Variants in APOC2 observed in about 807,000 individuals in gnomAD.
APOC2 encodes the protein apolipoprotein C2.
In APOC2, 6 loss-of-function variants were observed where a neutral mutation model predicts 10.2. That is an observed-to-expected ratio of 0.59 (90% CI 0.32 to 1.16). APOC2 has a LOEUF of 1.16. Among genes scored for constraint, APOC2 ranks in the 50% most tolerant of loss-of-function variants. The pLI is 0.05. For synonymous variants in APOC2, 56 were observed against 48.5 expected (o/e 1.15, Z -0.64); for missense variants, 110 against 117.6 (o/e 0.94, Z 0.30).
Position 44,948,453 on chromosome 19 carries a change from C to T in APOC2, c.-13-13C>T. ...CAGTCAGCCTGCCACATGACACCCC[C>T]TCAATGTTCCAGGTCTCTGGACACT... is the stretch of plus-strand genomic sequence containing the variant. On this transcript the variant is annotated splice_polypyrimidine_tract_variant and intron_variant, in intron 1 of 3. Transcript: ENST00000252490. 6.2e-7 allele frequency: 1 copy of T among 1,612,706 alleles called. No individual in the cohort carries two copies. The highest frequency in any genetic ancestry group is 8.5e-7 in the Non-Finnish European group (1 of 1,178,788).
chr19:44,948,488 C>T lies in APOC2; in HGVS notation c.10C>T (p.Arg4Ter), dbSNP rs202190413. The change falls in exon 2 of 4, where the codon CGA becomes TGA. Residue 4 changes from arginine (R) to a stop codon, truncating the protein, a stop_gained. Transcript: ENST00000252490. LOFTEE classifies it high-confidence loss of function. MGT[R>*]LLPALFLVLL... ...CAGGTCTCTGGACACTATGGGCACA[C>T]GACTCCTCCCAGCTCTGTTTCTTGT... is the stretch of plus-strand genomic sequence containing the variant. 8.1e-6 allele frequency: 13 copies of T among 1,613,892 alleles called. No homozygotes were observed. In the Admixed American group the frequency reaches 8.3e-5, roughly 10 times the overall value.
At position 44,949,423 on chromosome 19, in the gene APOC2, T is replaced by C. The variant is rs886054486; in HGVS notation, c.*174T>C. 1.1e-5 allele frequency: 7 copies of C among 640,418 alleles called. No individual in the cohort carries two copies. The Admixed American group carries it at 1.4e-4, about 13-fold the overall frequency. 39.7% of individuals were successfully genotyped at this position (640,418 alleles called of 1,614,324 possible). A position where few individuals can be genotyped will look rare whatever the true frequency, so the allele number is the denominator to read the frequency against. On this transcript the variant is annotated 3_prime_UTR_variant, in exon 4 of 4. Coordinates refer to ENST00000252490, the MANE Select transcript of APOC2 (RefSeq NM_000483.5). ...TGCTTCTCATGGATGGCACTGCTTTTCTGAGGACTCAAGGGCCAAGATGGA... is the reference window on the plus strand; with the variant it reads ...TGCTTCTCATGGATGGCACTGCTTTCCTGAGGACTCAAGGGCCAAGATGGA...
intron 1 of APOC2, among the ~76,000 whole-genome samples, chr19:44,947,720 G>A (rs1970337532): frequency 6.6e-6 from 1 of 152,010 alleles, no homozygotes. Flanking sequence ...AATCACTTGA[G>A]GTTAGGAGTT....
Position 44,949,465 on chromosome 19 carries a change from A to G in APOC2, c.*216A>G, listed in dbSNP as rs1970360965. On this transcript the variant is annotated 3_prime_UTR_variant, in exon 4 of 4. Transcript: ENST00000252490. ...CAAGATGGAGGGGCTGACTCAGTCC[A>G]GCCAACATTTAATGAGCACCTACTT... 1 of 594,628 alleles carries G rather than the reference A, an allele frequency of 1.7e-6. No individual in the cohort carries two copies. The highest frequency in any genetic ancestry group is 3.0e-6 in the Non-Finnish European group (1 of 331,074). 36.8% of individuals were successfully genotyped at this position (594,628 alleles called of 1,614,324 possible). A position where few individuals can be genotyped will look rare whatever the true frequency, so the allele number is the denominator to read the frequency against.
intron 1 of APOC2, among the ~76,000 whole-genome samples, chr19:44,946,414 G>A (rs1374860063): frequency 6.6e-6 from 1 of 152,142 alleles, no homozygotes; most frequent in African/African-American, 2.4e-5. Context: ...CTTAGAGTTA[G>A]GGTGGCTGAG....
chr19:44,948,712 A>C lies in APOC2; in HGVS notation c.67A>C (p.Thr23Pro). The part of the protein sequence containing the change: ...LLVLGFEVQG[T>P]QQPQQDEMPS... ...CTCTCCCCCTGCAGAGGTCCAGGGG[A>C]CCCAACAGCCCCAGCAAGATGAGAT... Residue 23 changes from threonine to proline, a missense_variant, in exon 3 of 4, where the codon ACC becomes CCC. Physicochemically the swap from Thr to Pro is conservative, Grantham distance 38 (BLOSUM62 -1). Coordinates refer to ENST00000252490, the MANE Select transcript of APOC2 (RefSeq NM_000483.5). 1 of 1,613,800 alleles carries C rather than the reference A, an allele frequency of 6.2e-7. No homozygotes were observed. Among genetic ancestry groups the C allele is most frequent in the Non-Finnish European group, 8.5e-7 (1 of 1,179,954 alleles).
Position 44,949,541 on chromosome 19 carries a change from T to A in APOC2, c.*292T>A, listed in dbSNP as rs1970361639. 4.7e-6 allele frequency: 2 copies of A among 425,492 alleles called. No individual in the cohort carries two copies. Among genetic ancestry groups the A allele is most frequent in the Non-Finnish European group, 4.3e-6 (1 of 231,854 alleles). 26.4% of individuals were successfully genotyped at this position (425,492 alleles called of 1,614,324 possible). On this transcript the variant is annotated 3_prime_UTR_variant, in exon 4 of 4. Coordinates refer to ENST00000252490, the MANE Select transcript of APOC2 (RefSeq NM_000483.5). The stretch of plus-strand genomic sequence containing the variant: ...TCCATGGGAATAAAGCAGTGAATAG[T>A]AACAATAAATAATCGTAACAGCAAT...
At chr19:44,949,038 A>C (rs1599993742) in intron 3 of APOC2, 121 bp from the exon 4 acceptor site, 1 of 1,020,952 alleles carries the variant, frequency 9.8e-7, no homozygotes, top group Non-Finnish European at 1.3e-6. Context: ...CCAGGAGTCC[A>C]GGCCCCCAGC....
chr19:44,948,955 C>T (rs1970353237), intron 3 of APOC2, 95 bp downstream of exon 3: 1 of 1,542,056 alleles, frequency 6.5e-7, no homozygotes, highest in African/African-American at 1.4e-5. Context: ...TCCCTCAGAC[C>T]CAGGAGTCCA....
Position 44,948,702 on chromosome 19 carries a change from G to C in APOC2, c.57G>C (p.Glu19Asp). 1 of 1,614,034 alleles carries C rather than the reference G, an allele frequency of 6.2e-7. No homozygotes were observed. The highest frequency in any genetic ancestry group is 8.5e-7 in the Non-Finnish European group (1 of 1,179,996). Reference protein sequence around the residue: ...LFLVLLVLGFEVQGTQQPQQD... With the variant: ...LFLVLLVLGFDVQGTQQPQQD... ...TCCTGACACACTCTCCCCCTGCAGA[G>C]GTCCAGGGGACCCAACAGCCCCAGC... Residue 19 changes from glutamate to aspartate, a missense_variant and splice_region_variant, in exon 3 of 4, where the codon GAG becomes GAC. Transcript: ENST00000252490.
At chr19:44,948,026 G>A (rs1372147640) in intron 1 of APOC2, among the ~76,000 whole-genome samples, 1 of 151,864 alleles carries the variant, frequency 6.6e-6, no homozygotes, top group Non-Finnish European at 1.5e-5. Flanking sequence ...CCGAGAACAC[G>A]CCACTGCACT....
chr19:44,946,234 T>TGA (rs1555793404), intron 1 of APOC2, among the ~76,000 whole-genome samples, 159 bp downstream of exon 1: 3,705 of 132,486 alleles, frequency 0.028, 79 homozygotes, highest in African/African-American at 0.046. Flanking sequence ...TGTGTGTGTG[T>TGA]GAGAGAGAGA....
At position 44,949,550 on chromosome 19, in the gene APOC2, A is replaced by C; in HGVS notation, c.*301A>C. 2 of 396,500 alleles carry C rather than the reference A, an allele frequency of 5.0e-6. No homozygotes were observed. The highest frequency in any genetic ancestry group is 4.7e-6 in the Non-Finnish European group (1 of 214,472). The allele number at this position is 396,500 out of a possible 1,614,324, so 24.6% of individuals were successfully genotyped here. A position where few individuals can be genotyped will look rare whatever the true frequency, so the allele number is the denominator to read the frequency against. Reference sequence around the variant, plus strand: ...ATAAAGCAGTGAATAGTAACAATAAATAATCGTAACAGCAATTAGAGACTA... The same window carrying C: ...ATAAAGCAGTGAATAGTAACAATAACTAATCGTAACAGCAATTAGAGACTA... On this transcript the variant is annotated 3_prime_UTR_variant, in exon 4 of 4. Transcript: ENST00000252490.
chr19:44,948,924 A>T (rs1970352875), intron 3 of APOC2, 64 bp downstream of exon 3: 1 of 1,600,420 alleles, frequency 6.2e-7, no homozygotes, highest in Non-Finnish European at 8.5e-7. Context: ...AGGACCCAGA[A>T]GTTCAGGCCC....
intron 1 of APOC2, among the ~76,000 whole-genome samples, chr19:44,946,559 T>C (rs1485109105): frequency 2.0e-5 from 3 of 151,976 alleles, no homozygotes; most frequent in African/African-American, 7.2e-5. Flanking sequence ...CAATGGCTCA[T>C]GCCTGTAATC....
At position 44,949,162 on chromosome 19, in the gene APOC2, C is replaced by G; in HGVS notation, c.219C>G (p.Asp73Glu). The change falls in exon 4 of 4, where the codon GAC (aspartate) becomes GAG (glutamate). Residue 73 changes from aspartate (D) to glutamate (E), a missense_variant. Asp to Glu is a conservative substitution (Grantham distance 45). Coordinates refer to ENST00000252490, the MANE Select transcript of APOC2 (RefSeq NM_000483.5). ...ACCATCTGTGCTTTCTCCCCAGGGA[C>G]TTGTACAGCAAAAGCACAGCAGCCA... The part of the protein sequence containing the change: ...YLPAVDEKLR[D>E]LYSKSTAAMS... 6.2e-7 allele frequency: 1 copy of G among 1,613,816 alleles called. No individual in the cohort carries two copies. Among genetic ancestry groups the G allele is most frequent in the South Asian group, 1.1e-5 (1 of 91,018 alleles).
intron 1 of APOC2, chr19:44,947,281 C>G (rs746837385): frequency 1.3e-5 from 2 of 152,238 alleles, no homozygotes; most frequent in Admixed American, 1.3e-4. Context: ...GCATGTTCTT[C>G]GTCACCAAAA....
chr19:44,946,871 G>T (rs911720611), intron 1 of APOC2, among the ~76,000 whole-genome samples: 2 of 152,134 alleles, frequency 1.3e-5, no homozygotes, highest in Admixed American at 1.3e-4. Context: ...AGAACTGTAG[G>T]CTGGGCGTGG....
intron 1 of APOC2, among the ~76,000 whole-genome samples, chr19:44,946,679 G>A (rs577399292): frequency 9.9e-5 from 15 of 151,854 alleles, no homozygotes; most frequent in East Asian, 7.8e-4. Flanking sequence ...AAAATTGGCC[G>A]GGTGTGGTAG....
Sources: allele counts gnomAD v4.1 joint callset (sites outside exome capture counted in the v4.1 genomes callset), GRCh38; gene constraint gnomAD v4.1.1; transcripts MANE v1.5; gene names NCBI Gene and HGNC (gene_info 2026-07-23, HGNC 2026-07-21).